CSNK1G1: variants seen among roughly 807,000 people sequenced by gnomAD.
The protein encoded by CSNK1G1 is casein kinase I isoform gamma-1.
In CSNK1G1, 22 loss-of-function variants were observed where a neutral mutation model predicts 59.6. The ratio of observed to expected loss-of-function variants is 0.37; its 90% CI spans 0.26 to 0.53. The LOEUF (loss-of-function observed/expected upper bound fraction) is 0.53, where lower values mean the gene tolerates loss of function less well. Among genes scored for constraint, CSNK1G1 ranks in the 20% least tolerant of loss-of-function variants. The probability of loss-of-function intolerance (pLI) is 0.89; values close to 1 mark genes in which losing one functional copy is unlikely to be tolerated. For synonymous variants in CSNK1G1, 179 were observed against 177.1 expected, an observed-to-expected ratio of 1.01 and a Z score of -0.08; for missense variants, 384 against 519.5, an observed-to-expected ratio of 0.74 and a Z score of 2.54.
intron 10 of CSNK1G1, among the ~76,000 whole-genome samples, chr15:64,196,345 T>C (rs977877703): frequency 2.0e-5 from 3 of 152,116 alleles, no homozygotes; most frequent in Non-Finnish European, 4.4e-5. Flanking sequence ...AACCAAACAG[T>C]ACTCAATTCA....
At chr15:64,325,507 A>T (rs190559576) in intron 1 of CSNK1G1, among the ~76,000 whole-genome samples, 50 of 152,342 alleles carry the variant, frequency 3.3e-4, no homozygotes, top group Admixed American at 5.9e-4. Flanking sequence ...TCATAGCCCC[A>T]GAATCACAAA....
chr15:64,195,641 A>G (rs2082028816), intron 10 of CSNK1G1, among the ~76,000 whole-genome samples: 1 of 152,234 alleles, frequency 6.6e-6, no homozygotes, highest in African/African-American at 2.4e-5. Context: ...TCCTGATTGA[A>G]TTTGATCAGA....
At chr15:64,182,782 A>C (rs1199916799) in intron 10 of CSNK1G1, among the ~76,000 whole-genome samples, 1 of 152,218 alleles carries the variant, frequency 6.6e-6, no homozygotes, top group Non-Finnish European at 1.5e-5. Flanking sequence ...AAGGTTAAAG[A>C]TATACAAGAG....
chr15:64,350,500 C>T lies in CSNK1G1; in HGVS notation c.-225+5488G>A, dbSNP rs566942845. Among the ~76,000 whole-genome samples the T allele has an allele frequency of 4.0e-5, 6 of 149,672 alleles. No individual in the cohort carries two copies. The East Asian group carries it at 9.8e-4, about 24-fold the overall frequency. On this transcript the variant is annotated intron_variant, in intron 1 of 11. Transcript: ENST00000303052. ...TGAGCAACAGAGCAAGACTCTGTCT[C>T]CAAAAAAAAAAAATTGGTTTATCAA...
intron 1 of CSNK1G1, chr15:64,317,113 G>C (rs531488565): frequency 1.3e-5 from 2 of 152,080 alleles, no homozygotes; most frequent in East Asian, 3.9e-4. Context: ...TTTTGAGATG[G>C]AGTCTCGCTC....
chr15:64,288,720 A>C (rs190123802), intron 2 of CSNK1G1, among the ~76,000 whole-genome samples: 9 of 152,220 alleles, frequency 5.9e-5, no homozygotes, highest in African/African-American at 2.2e-4. Context: ...TTTCTTTGAC[A>C]AAAGCTTTGC....
At chr15:64,309,229 T>A (rs565529651) in intron 1 of CSNK1G1, among the ~76,000 whole-genome samples, 2 of 152,138 alleles carry the variant, frequency 1.3e-5, no homozygotes, top group East Asian at 3.9e-4. Flanking sequence ...ATTAGCTCTG[T>A]GAAGGTAAAA....
chr15:64,331,506 C>T (rs1304533716), intron 1 of CSNK1G1, among the ~76,000 whole-genome samples: 1 of 74,800 alleles, frequency 1.3e-5, no homozygotes, highest in African/African-American at 5.3e-5. Flanking sequence ...CCCTTCCTTA[C>T]ACCTTATACA....
At chr15:64,330,781 C>T (rs1470785161) in intron 1 of CSNK1G1, among the ~76,000 whole-genome samples, 5 of 40,008 alleles carry the variant, frequency 1.2e-4, no homozygotes, top group African/African-American at 2.1e-4. Flanking sequence ...AAAACCCCAT[C>T]GTCTCAGCCC....
In CSNK1G1 at chr15:64,300,442, G is replaced by C. The variant is rs1318886925; in HGVS notation, c.58C>G (p.Gln20Glu). ...GGTCGAGAGCAGTGTGCACTCCTTTGTGCCATGGGTTTAGTTGTCCGTTGT... is the reference window on the plus strand; with the variant it reads ...GGTCGAGAGCAGTGTGCACTCCTTTCTGCCATGGGTTTAGTTGTCCGTTGT... ...ERQRTTKPMA[Q>E]RSAHCSRPSG... Residue 20 changes from glutamine (Q) to glutamate (E), a missense_variant, in exon 2 of 12, where the codon CAA (glutamine) becomes GAA (glutamate). Around this residue, in one of 3 missense-constraint regions of CSNK1G1, gnomAD observed 56 missense variants for 60.8 expected, o/e 0.92. Transcript: ENST00000303052. The C allele has an allele frequency of 6.2e-7, 1 of 1,614,062 alleles. No homozygotes were observed. The highest frequency in any genetic ancestry group is 1.3e-5 in the African/African-American group (1 of 74,928).
chr15:64,184,531 G>A (rs189747844), intron 10 of CSNK1G1, among the ~76,000 whole-genome samples: 1 of 151,488 alleles, frequency 6.6e-6, no homozygotes, highest in Non-Finnish European at 1.5e-5. Context: ...CAAAAAATCA[G>A]CTGGGCGTGG....
chr15:64,298,313 T>C (rs1895136376), intron 2 of CSNK1G1, among the ~76,000 whole-genome samples: 1 of 152,254 alleles, frequency 6.6e-6, no homozygotes, highest in South Asian at 2.1e-4. Context: ...AAGATTTAGA[T>C]GCTTTAGAAA....
chr15:64,204,582 C>G lies in CSNK1G1; in HGVS notation c.858G>C (p.Met286Ile), dbSNP rs954877101. The G allele has an allele frequency of 1.2e-6, 2 of 1,613,098 alleles. No homozygotes were observed. Among genetic ancestry groups the G allele is most frequent in the Non-Finnish European group, 1.7e-6 (2 of 1,179,742 alleles). Residue 286 changes from methionine to isoleucine, a missense_variant, in exon 9 of 12, where the codon ATG (methionine) becomes ATC (isoleucine). Around this residue, in one of 3 missense-constraint regions of CSNK1G1, gnomAD observed 325 missense variants for 440.9 expected, o/e 0.74. Transcript: ENST00000303052. ...GCCTGACATATCGAAGGTAGGTTGCCATCTCCTCTGTTAGGAAAGAGATGA... is the reference window on the plus strand; with the variant it reads ...GCCTGACATATCGAAGGTAGGTTGCGATCTCCTCTGTTAGGAAAGAGATGA... Reference protein sequence around the residue: ...EALCENFPEEMATYLRYVRRL... With the variant: ...EALCENFPEEIATYLRYVRRL...
intron 4 of CSNK1G1, among the ~76,000 whole-genome samples, chr15:64,221,343 G>A (rs2082386114): frequency 6.6e-6 from 1 of 152,064 alleles, no homozygotes; most frequent in African/African-American, 2.4e-5. Context: ...ATTATCTTTT[G>A]CCAGAAGTTT....
intron 2 of CSNK1G1, among the ~76,000 whole-genome samples, chr15:64,299,676 CATT>C (rs1334082280): frequency 6.6e-6 from 1 of 151,892 alleles, no homozygotes; most frequent in African/African-American, 2.4e-5. Flanking sequence ...TTAATTTTGT[CATT>C]ATTTTCCATC....
chr15:64,347,860 G>C (rs1385902752), intron 1 of CSNK1G1, among the ~76,000 whole-genome samples: 1 of 151,776 alleles, frequency 6.6e-6, no homozygotes, highest in East Asian at 1.9e-4. Flanking sequence ...CAAAAAATTA[G>C]CCAGGAGTGG....
At chr15:64,342,333 T>C (rs1596300187) in intron 1 of CSNK1G1, among the ~76,000 whole-genome samples, 1 of 152,324 alleles carries the variant, frequency 6.6e-6, no homozygotes, top group East Asian at 1.9e-4. Context: ...GAGAATAAAA[T>C]GCATTTAACA....
At chr15:64,348,468 A>C (rs1174849238) in intron 1 of CSNK1G1, 1 of 152,204 alleles carries the variant, frequency 6.6e-6, no homozygotes, top group Non-Finnish European at 1.5e-5. Flanking sequence ...GAAATCTAAA[A>C]GTATTCAAAA....
At chr15:64,221,518 G>GT (rs2082387995) in intron 4 of CSNK1G1, among the ~76,000 whole-genome samples, 1 of 151,980 alleles carries the variant, frequency 6.6e-6, no homozygotes, top group African/African-American at 2.4e-5. Flanking sequence ...ACACTGGCAG[G>GT]CTTTGGGATG....
Sources: allele counts gnomAD v4.1 joint callset (sites outside exome capture counted in the v4.1 genomes callset), GRCh38; gene constraint gnomAD v4.1.1; regional missense constraint gnomAD v4.1.1; transcripts MANE v1.5; gene names NCBI Gene and HGNC (gene_info 2026-07-23, HGNC 2026-07-21).